The following CACNA2D1 variants were observed in gnomAD, a reference collection of about 807,000 sequenced individuals.
The protein encoded by CACNA2D1 is voltage-dependent calcium channel subunit alpha-2/delta-1.
In CACNA2D1, 53 loss-of-function variants were observed where a neutral mutation model predicts 171.5. That is an observed-to-expected ratio of 0.31 (90% CI 0.25 to 0.39). The LOEUF is 0.39. Among genes scored for constraint, CACNA2D1 ranks in the 10% least tolerant of loss-of-function variants. CACNA2D1 has a pLI of 1.00. For missense variants in CACNA2D1, 903 were observed against 1,299.8 expected, an observed-to-expected ratio of 0.69 and a Z score of 4.69; for synonymous variants, 442 against 443.1, an observed-to-expected ratio of 1.00 and a Z score of 0.03.
chr7:82,271,770 A>G (rs1455181015), intron 3 of CACNA2D1, among the ~76,000 whole-genome samples: 2 of 152,162 alleles, frequency 1.3e-5, no homozygotes, highest in African/African-American at 2.4e-5. Context: ...GCAGCTAATT[A>G]CAATGGAAAA....
chr7:81,947,948 A>G lies in CACNA2D1; in HGVS notation c.*2444T>C, dbSNP rs2061844873. The G allele has an allele frequency of 6.6e-6, 1 of 151,910 alleles. No individual in the cohort carries two copies. The highest frequency in any genetic ancestry group is 2.4e-5 in the African/African-American group (1 of 41,422). 9.4% of individuals were successfully genotyped at this position (151,910 alleles called of 1,614,324 possible). ...AAGGTTTATAGCAAAACTCATGCAT[A>G]TAAATATATTTTGATGGCAACAGAA... On this transcript the variant is annotated 3_prime_UTR_variant, in exon 39 of 39. Coordinates refer to ENST00000356860, the MANE Select transcript of CACNA2D1 (RefSeq NM_000722.4).
At chr7:82,427,687 T>C (rs1167244739) in intron 1 of CACNA2D1, among the ~76,000 whole-genome samples, 2 of 152,246 alleles carry the variant, frequency 1.3e-5, no homozygotes, top group Non-Finnish European at 2.9e-5. Context: ...GTTGTAGAGC[T>C]GAGCTTTGAA....
intron 5 of CACNA2D1, among the ~76,000 whole-genome samples, chr7:82,129,036 G>A (rs1790660639): frequency 6.6e-6 from 1 of 152,116 alleles, no homozygotes; most frequent in Non-Finnish European, 1.5e-5. Context: ...AAATTTATCT[G>A]TAGATGAATC....
At chr7:82,115,292 T>C (rs557055402) in intron 6 of CACNA2D1, among the ~76,000 whole-genome samples, 1 of 152,216 alleles carries the variant, frequency 6.6e-6, no homozygotes, top group African/African-American at 2.4e-5. Flanking sequence ...TATTCAAAAA[T>C]TGAGAAACAT....
chr7:82,246,611 G>A (rs39740), intron 3 of CACNA2D1, among the ~76,000 whole-genome samples: 16,708 of 151,998 alleles, frequency 0.11, 1,071 homozygotes, highest in Middle Eastern at 0.16. Flanking sequence ...GAAGGGTAGG[G>A]GGCTAAGAGA....
chr7:81,961,508 ATTAT>A (rs1440748782), intron 36 of CACNA2D1, among the ~76,000 whole-genome samples: 2 of 151,500 alleles, frequency 1.3e-5, no homozygotes, highest in East Asian at 1.9e-4. Context: ...TTGGCTTAGA[ATTAT>A]TTAAATTACT....
At chr7:81,951,809 G>A (rs1400801472) in intron 38 of CACNA2D1, among the ~76,000 whole-genome samples, 1 of 151,982 alleles carries the variant, frequency 6.6e-6, no homozygotes, top group Non-Finnish European at 1.5e-5. Context: ...GCATGCGCAA[G>A]TGTCTTTTTC....
chr7:82,047,501 T>A (rs1375707061), intron 10 of CACNA2D1, among the ~76,000 whole-genome samples: 1 of 152,164 alleles, frequency 6.6e-6, no homozygotes, highest in African/African-American at 2.4e-5. Context: ...GCAGAGATAC[T>A]ACAATACTGA....
chr7:82,418,950 CA>C (rs557438408), intron 1 of CACNA2D1, among the ~76,000 whole-genome samples: 5 of 148,200 alleles, frequency 3.4e-5, no homozygotes, highest in Admixed American at 6.7e-5. Flanking sequence ...ACTAAAAATA[CA>C]AAAAAAAAAT....
chr7:82,061,542 A>G (rs919410220), intron 9 of CACNA2D1, among the ~76,000 whole-genome samples: 2 of 152,146 alleles, frequency 1.3e-5, no homozygotes, highest in South Asian at 4.1e-4. Flanking sequence ...CTGTATTCCA[A>G]TCCTTTCATT....
chr7:82,180,165 G>A (rs1002924100), intron 3 of CACNA2D1, among the ~76,000 whole-genome samples: 1 of 152,250 alleles, frequency 6.6e-6, no homozygotes, highest in East Asian at 1.9e-4. Flanking sequence ...TTGGAATATA[G>A]AGATAGTGTC....
At chr7:81,972,315 C>A in intron 25 of CACNA2D1, among the ~76,000 whole-genome samples, 1 of 151,354 alleles carries the variant, frequency 6.6e-6, no homozygotes, top group Non-Finnish European at 1.5e-5. Context: ...TAAAAACATT[C>A]AACAAAAAGT....
chr7:81,962,129 A>C, intron 35 of CACNA2D1, 106 bp from the exon 36 acceptor site: 1 of 1,066,734 alleles, frequency 9.4e-7, no homozygotes, highest in East Asian at 2.4e-5. Flanking sequence ...TAAACGTATA[A>C]GACCAGGACC....
intron 3 of CACNA2D1, among the ~76,000 whole-genome samples, chr7:82,214,701 T>C (rs1800927022): frequency 6.6e-6 from 1 of 152,178 alleles, no homozygotes; most frequent in African/African-American, 2.4e-5. Context: ...AGCCAATCCA[T>C]ACATACAATG....
intron 24 of CACNA2D1, among the ~76,000 whole-genome samples, chr7:81,979,946 G>A (rs952633444): frequency 1.3e-5 from 2 of 151,848 alleles, no homozygotes; most frequent in African/African-American, 4.8e-5. Flanking sequence ...ATGGTCTGTT[G>A]AGGAAAGTAA....
At chr7:82,112,788 T>G (rs1020392579) in intron 6 of CACNA2D1, among the ~76,000 whole-genome samples, 1 of 152,200 alleles carries the variant, frequency 6.6e-6, no homozygotes, top group Non-Finnish European at 1.5e-5. Context: ...GATTATGCAA[T>G]TGTCCAGAAA....
At chr7:82,063,255 G>A (rs1757884597) in intron 9 of CACNA2D1, among the ~76,000 whole-genome samples, 2 of 151,966 alleles carry the variant, frequency 1.3e-5, no homozygotes, top group Admixed American at 6.6e-5. Flanking sequence ...ATAATATATT[G>A]CATTAATATA....
At chr7:82,017,857 C>A (rs1195399931) in intron 12 of CACNA2D1, among the ~76,000 whole-genome samples, 1 of 152,128 alleles carries the variant, frequency 6.6e-6, no homozygotes, top group Non-Finnish European at 1.5e-5. Flanking sequence ...CATCTTAACT[C>A]TCACTCAAGC....
rs940305524 is a variant in CACNA2D1 at position 81,948,690 on chromosome 7, C to A, written c.*1702G>T. 6.6e-6 allele frequency: 1 copy of A among 151,830 alleles called. No homozygotes were observed. The highest frequency in any genetic ancestry group is 1.5e-5 in the Non-Finnish European group (1 of 67,830). The allele number at this position is 151,830 out of a possible 1,614,324, so 9.4% of individuals were successfully genotyped here. ...AGAAAATTTCCAGCATATACACATA[C>A]CAGTAATTGGCATGTTCCAAAAAAA... On this transcript the variant is annotated 3_prime_UTR_variant, in exon 39 of 39. Transcript: ENST00000356860.
Sources: allele counts gnomAD v4.1 joint callset (sites outside exome capture counted in the v4.1 genomes callset), GRCh38; gene constraint gnomAD v4.1.1; transcripts MANE v1.5; gene names NCBI Gene and HGNC (gene_info 2026-07-23, HGNC 2026-07-21).